WDR75: variants seen among roughly 807,000 people sequenced by gnomAD.
The protein encoded by WDR75 is WD repeat domain 75, also known as WD repeat-containing protein 75.
In WDR75, 52 loss-of-function variants were observed where a neutral mutation model predicts 106.1. The observed-to-expected ratio is 0.49, with a 90% CI of 0.39 to 0.62. WDR75 has a LOEUF of 0.62. Among genes scored for constraint, WDR75 ranks in the 20% least tolerant of loss-of-function variants. WDR75 has a pLI of 0.00. For synonymous variants in WDR75, 333 were observed against 335.5 expected, an observed-to-expected ratio of 0.99 and a Z score of 0.08; for missense variants, 905 against 970.3, an observed-to-expected ratio of 0.93 and a Z score of 0.89.
At chr2:189,459,264 T>C (rs748000087) in intron 7 of WDR75, 72 bp from the exon 8 acceptor site, 16 of 1,090,912 alleles carry the variant, frequency 1.5e-5, no homozygotes, top group Admixed American at 2.1e-5. Context: ...TTATGTTTAT[T>C]GTATTTGGCA....
At chr2:189,465,781 T>C (rs1165850137) in intron 12 of WDR75, among the ~76,000 whole-genome samples, 1 of 152,160 alleles carries the variant, frequency 6.6e-6, no homozygotes. Context: ...CTATATTTTA[T>C]AGGTGAAGAA....
At chr2:189,455,038 C>T (rs981955225) in intron 4 of WDR75, among the ~76,000 whole-genome samples, 12 of 151,880 alleles carry the variant, frequency 7.9e-5, no homozygotes, top group Admixed American at 4.6e-4. Flanking sequence ...GTCAGGAGTT[C>T]GAGACCAGCC....
chr2:189,458,241 A>G (rs778458006), intron 6 of WDR75, among the ~76,000 whole-genome samples: 19 of 152,244 alleles, frequency 1.2e-4, no homozygotes, highest in Non-Finnish European at 2.4e-4. Context: ...TCTTTTTAGT[A>G]TAATATTGAT....
chr2:189,473,709 A>G (rs1176423976), intron 18 of WDR75, among the ~76,000 whole-genome samples: 1 of 152,120 alleles, frequency 6.6e-6, no homozygotes, highest in Non-Finnish European at 1.5e-5. Context: ...AGTTACTATT[A>G]TTACCAACTC....
At chr2:189,451,113 C>A in intron 3 of WDR75, 145 bp downstream of exon 3, 2 of 1,116,674 alleles carry the variant, frequency 1.8e-6, no homozygotes, top group Non-Finnish European at 1.2e-6. Context: ...ATTAATTTGA[C>A]TATATAAAAA....
rs1686484727 is a variant in WDR75, at chr2:189,445,688, T to G, written c.87-2691T>G. ...ATAGTCATGTACCAGTGTTAATATC[T>G]TAGTTTTGACTAACATGCTGTGCTT... On this transcript the variant is annotated intron_variant, in intron 1 of 20. Transcript: ENST00000314761. 2.0e-5 allele frequency among the ~76,000 whole-genome samples: 3 copies of G among 152,206 alleles called. No homozygotes were observed. The South Asian group carries it at 6.2e-4, about 31-fold the overall frequency.
chr2:189,472,734 A>G (rs75721273), intron 18 of WDR75, among the ~76,000 whole-genome samples: 10,995 of 152,236 alleles, frequency 0.072, 483 homozygotes, highest in East Asian at 0.12. Flanking sequence ...TATCTGAGCT[A>G]ATTTATTGAG....
At chr2:189,452,241 G>T (rs1463110589) in intron 4 of WDR75, among the ~76,000 whole-genome samples, 2 of 152,092 alleles carry the variant, frequency 1.3e-5, no homozygotes, top group Non-Finnish European at 2.9e-5. Context: ...ACTTTCTTAA[G>T]TCAGGGTGGA....
At chr2:189,463,623 C>T in intron 9 of WDR75, 71 bp from the exon 10 acceptor site, 1 of 1,504,896 alleles carries the variant, frequency 6.6e-7, no homozygotes, top group Non-Finnish European at 9.2e-7. Context: ...AAAAAGCCAC[C>T]CTGAGCCACA....
intron 1 of WDR75, 141 bp from the exon 2 acceptor site, chr2:189,448,238 T>C (rs1686540825): frequency 2.0e-5 from 17 of 834,100 alleles, no homozygotes; most frequent in South Asian, 5.7e-5. Context: ...AATCTCAGCA[T>C]TTTGGGAGGC....
rs1292514876 is a variant in WDR75, at chr2:189,467,487, C to T, written c.1467C>T (p.Thr489=). 1.9e-6 allele frequency: 3 copies of T among 1,600,716 alleles called. No individual in the cohort carries two copies. Among genetic ancestry groups the T allele is most frequent in the East Asian group, 2.3e-5 (1 of 44,284 alleles). ...CCACAGAAAAAGCTGTTGGCTGGAC[C>T]TGTGACTTTGTTGGTAGTTATCACA... is the stretch of plus-strand genomic sequence containing the variant. ...SDIYKKAVGW[T]CDFVGSYHKY... The change falls in exon 14 of 21, where the codon ACC becomes ACT. Residue 489 remains threonine (T), a synonymous_variant. Transcript: ENST00000314761.
chr2:189,443,070 G>A (rs1391607311), intron 1 of WDR75, among the ~76,000 whole-genome samples: 1 of 152,140 alleles, frequency 6.6e-6, no homozygotes, highest in Non-Finnish European at 1.5e-5. Context: ...ATAACATGCT[G>A]CAGTGACAAA....
intron 4 of WDR75, 93 bp downstream of exon 4, chr2:189,451,988 C>A: frequency 9.9e-7 from 1 of 1,005,108 alleles, no homozygotes; most frequent in Non-Finnish European, 1.5e-6. Flanking sequence ...TAATCTGAAG[C>A]CAACAGTTTT....
At chr2:189,452,762 C>T (rs1056391082) in intron 4 of WDR75, among the ~76,000 whole-genome samples, 3 of 152,170 alleles carry the variant, frequency 2.0e-5, no homozygotes, top group Admixed American at 2.0e-4. Flanking sequence ...GAGGACACAT[C>T]TATAGAAATT....
In WDR75 at chr2:189,474,260, A is replaced by G. The variant is rs766099653; in HGVS notation, c.2124A>G (p.Glu708=). The G allele has an allele frequency of 6.2e-7, 1 of 1,614,018 alleles. No homozygotes were observed. The highest frequency in any genetic ancestry group is 1.1e-5 in the South Asian group (1 of 91,038). ...GAAAACACAGGCAACAGCAGGATGAAAAACTAAACGAAACTTTAGAGAATG... is the reference window on the plus strand; with the variant it reads ...GAAAACACAGGCAACAGCAGGATGAGAAACTAAACGAAACTTTAGAGAATG... ...ILGKHRQQQD[E]KLNETLENEL... is the part of the protein sequence containing the mutation. Residue 708 remains glutamate, a synonymous_variant, in exon 19 of 21, where the codon GAA becomes GAG. Coordinates refer to ENST00000314761, the MANE Select transcript of WDR75 (RefSeq NM_032168.3).
rs1430341764 is a variant in WDR75, at chr2:189,468,589, A to T, written c.1723+20A>T. 1.1e-5 allele frequency: 18 copies of T among 1,611,354 alleles called. No individual in the cohort carries two copies. Among genetic ancestry groups the T allele is most frequent in the Non-Finnish European group, 1.5e-5 (18 of 1,177,836 alleles). ...GTGCATGTAAGATATTTTTTACTCT[A>T]AAGTGATCTGGCAAAGCGCATAAGG... On this transcript the variant is annotated intron_variant, in intron 15 of 20. Transcript: ENST00000314761.
At chr2:189,466,664 G>T in intron 13 of WDR75, 82 bp downstream of exon 13, 1 of 1,383,636 alleles carries the variant, frequency 7.2e-7, no homozygotes, top group Non-Finnish European at 9.8e-7. Flanking sequence ...TATCCATCCT[G>T]GGAGGACATT....
intron 2 of WDR75, chr2:189,449,654 C>T: frequency 9.9e-7 from 1 of 1,009,692 alleles, no homozygotes; most frequent in Non-Finnish European, 1.2e-6. Context: ...CAGTTCTGGA[C>T]TTAGGAGTCA....
chr2:189,468,498 C>T lies in WDR75; in HGVS notation c.1652C>T (p.Thr551Met), dbSNP rs976350658. 8.7e-6 allele frequency: 14 copies of T among 1,613,142 alleles called. No homozygotes were observed. The highest frequency in any genetic ancestry group is 1.7e-5 in the Admixed American group (1 of 59,970). Residue 551 changes from threonine to methionine, a missense_variant, in exon 15 of 21, where the codon ACG (threonine) becomes ATG (methionine). By Grantham distance (81) the Thr-to-Met change is moderately conservative. Transcript: ENST00000314761. ...AGGCACCTTTGCTTTGGGAGATTGA[C>T]GTGTTCAAAGTATCTACTTGGTGCT... ...KIRHLCFGRL[T>M]CSKYLLGATE...
Sources: allele counts gnomAD v4.1 joint callset (sites outside exome capture counted in the v4.1 genomes callset), GRCh38; gene constraint gnomAD v4.1.1; transcripts MANE v1.5; gene names NCBI Gene and HGNC (gene_info 2026-07-23, HGNC 2026-07-21).